The following RYR2 variants were observed in gnomAD, a reference collection of about 807,000 sequenced individuals.
RYR2 encodes the protein ryanodine receptor 2.
In RYR2, 227 loss-of-function variants were observed where a neutral mutation model predicts 601.1. The ratio of observed to expected loss-of-function variants is 0.38; its 90% CI spans 0.34 to 0.42. RYR2 has a LOEUF of 0.42. RYR2 is among the 10% of genes least tolerant of loss of function. The pLI, the probability that RYR2 is intolerant of heterozygous loss-of-function variation, is 1.00. For missense variants in RYR2, 4,646 were observed against 6,156.5 expected (o/e 0.75, Z 8.21); for synonymous variants, 2,223 against 2,175.1 (o/e 1.02, Z -0.61).
intron 1 of RYR2, among the ~76,000 whole-genome samples, chr1:237,193,231 C>G (rs1030341637): frequency 6.7e-6 from 1 of 149,446 alleles, no homozygotes; most frequent in Admixed American, 6.7e-5. Flanking sequence ...TTTGGGAGGC[C>G]GAGGTGGGTG....
At chr1:237,736,039 G>A (rs978618810) in intron 79 of RYR2, among the ~76,000 whole-genome samples, 3 of 152,150 alleles carry the variant, frequency 2.0e-5, no homozygotes, top group Non-Finnish European at 4.4e-5. Context: ...CTTCCTATGA[G>A]CAATGTAGTC....
At chr1:237,378,371 CAG>C (rs1701201682) in intron 8 of RYR2, among the ~76,000 whole-genome samples, 1 of 152,046 alleles carries the variant, frequency 6.6e-6, no homozygotes, top group African/African-American at 2.4e-5. Flanking sequence ...GTAGTTTTGC[CAG>C]AGAGTAGTCC....
chr1:237,207,853 T>G (rs149583766), intron 1 of RYR2, among the ~76,000 whole-genome samples: 31 of 152,366 alleles, frequency 2.0e-4, no homozygotes, highest in African/African-American at 7.5e-4. Flanking sequence ...TTTTTGCAAT[T>G]ACTTTTAATT....
In RYR2 at chr1:237,614,017, A is replaced by G. The variant is rs564433719; in HGVS notation, c.4911-22A>G. ...AAAATCATTCATTTCTAATCTTACT[A>G]CCACTCTCCTCCCTTCTACAGATCT... On this transcript the variant is annotated intron_variant, in intron 36 of 104. Transcript: ENST00000366574. The surrounding 1 kb of genome is among the most constrained non-coding windows in gnomAD (Gnocchi z 4.3). 1 of 1,591,220 alleles carries G rather than the reference A, an allele frequency of 6.3e-7. No individual in the cohort carries two copies. Among genetic ancestry groups the G allele is most frequent in the East Asian group, 2.2e-5 (1 of 44,480 alleles).
rs1305189607 is a variant in RYR2 at position 237,772,040 on chromosome 1, T to C, written c.11586T>C (p.Thr3862=). 1 of 1,549,184 alleles carries C rather than the reference T, an allele frequency of 6.5e-7. No individual in the cohort carries two copies. Among genetic ancestry groups the C allele is most frequent in the Non-Finnish European group, 8.8e-7 (1 of 1,139,308 alleles). The change falls in exon 86 of 105, where the codon ACT becomes ACC. Residue 3862 remains threonine, a synonymous_variant. Transcript: ENST00000366574. ...SDFQNYLRTQ[T]GNNTTVNIII... Reference sequence around the variant, plus strand: ...TTCAGAATTATCTGAGAACTCAGACTGGCAATAATACAACTGTCAACATAA... The same window carrying C: ...TTCAGAATTATCTGAGAACTCAGACCGGCAATAATACAACTGTCAACATAA...
At chr1:237,637,792 T>G (rs567415350) in intron 44 of RYR2, among the ~76,000 whole-genome samples, 4 of 152,290 alleles carry the variant, frequency 2.6e-5, no homozygotes, top group African/African-American at 9.6e-5. Flanking sequence ...TCAAGTTAAA[T>G]GCTATTAAAT....
At chr1:237,818,535 A>G (rs1032858716) in intron 100 of RYR2, among the ~76,000 whole-genome samples, 1 of 152,126 alleles carries the variant, frequency 6.6e-6, no homozygotes, top group Admixed American at 6.5e-5. Flanking sequence ...TCTAGATATT[A>G]AAGTAGAAAA....
At chr1:237,594,736 C>CT (rs1675612962) in intron 33 of RYR2, among the ~76,000 whole-genome samples, 1 of 151,498 alleles carries the variant, frequency 6.6e-6, no homozygotes, top group South Asian at 2.1e-4. Flanking sequence ...TGGCTTTAGC[C>CT]TTTTTTGCTG....
At chr1:237,506,630 C>T (rs1665289541) in intron 22 of RYR2, 80 bp from the exon 23 acceptor site, 6 of 879,374 alleles carry the variant, frequency 6.8e-6, no homozygotes, top group South Asian at 5.0e-5. Context: ...TTATTTAGTT[C>T]AATTTGCAGT....
chr1:237,684,156 G>C (rs1214911153), intron 62 of RYR2, among the ~76,000 whole-genome samples: 3 of 151,378 alleles, frequency 2.0e-5, no homozygotes, highest in African/African-American at 7.3e-5. Context: ...GGCTGGTCTT[G>C]AACTCCTGAC....
Position 237,066,459 on chromosome 1 carries a change from A to G in RYR2, c.48+23890A>G, listed in dbSNP as rs963785914. On this transcript the variant is annotated intron_variant, in intron 1 of 104. Transcript: ENST00000366574. ...GTGGCTGCAGTTTTAGATTCCCATC[A>G]GCAATGTTTGGGAGATCCAGTTTCT... Among the ~76,000 whole-genome samples the G allele has an allele frequency of 6.6e-5, 10 of 152,322 alleles. No individual in the cohort carries two copies. The South Asian group carries it at 1.0e-3, about 16-fold the overall frequency.
intron 14 of RYR2, among the ~76,000 whole-genome samples, chr1:237,452,006 G>A (rs1471700790): frequency 6.7e-6 from 1 of 150,064 alleles, no homozygotes; most frequent in Non-Finnish European, 1.5e-5. Context: ...GTGTTTGTGT[G>A]TGTGTTTGTG....
At chr1:237,511,849 A>AAAC in intron 24 of RYR2, 58 bp downstream of exon 24, 1 of 994,820 alleles carries the variant, frequency 1.0e-6, no homozygotes, top group South Asian at 1.8e-5. Context: ...AAAAAAAAAA[A>AAAC]AAAAAAAAAA....
At chr1:237,709,141 A>C (rs1346736145) in intron 69 of RYR2, 43 bp downstream of exon 69, 1 of 1,505,914 alleles carries the variant, frequency 6.6e-7, no homozygotes, top group Admixed American at 2.2e-5. Context: ...ATTCGGTCAT[A>C]ACGTTTCTTG....
At chr1:237,150,265 G>T (rs911354796) in intron 1 of RYR2, among the ~76,000 whole-genome samples, 34 of 152,302 alleles carry the variant, frequency 2.2e-4, no homozygotes, top group African/African-American at 8.2e-4. Context: ...CTAGGGCTCT[G>T]CTTCTGTAAC....
chr1:237,287,941 T>C (rs1387645264), intron 2 of RYR2, among the ~76,000 whole-genome samples: 1 of 152,194 alleles, frequency 6.6e-6, no homozygotes, highest in Non-Finnish European at 1.5e-5. Context: ...TTGGGTAGGC[T>C]CTGTCAGAGG....
At chr1:237,353,460 G>A (rs966744385) in intron 3 of RYR2, among the ~76,000 whole-genome samples, 3 of 138,744 alleles carry the variant, frequency 2.2e-5, no homozygotes, top group African/African-American at 8.1e-5. Context: ...AGTGAGCCGA[G>A]ATTTCACCAC....
At chr1:237,222,468 G>A (rs1309813649) in intron 1 of RYR2, among the ~76,000 whole-genome samples, 4 of 151,418 alleles carry the variant, frequency 2.6e-5, no homozygotes, top group Admixed American at 6.6e-5. Context: ...TATTAAATGG[G>A]TTAGAGAGAC....
intron 1 of RYR2, among the ~76,000 whole-genome samples, chr1:237,235,183 A>T (rs892946103): frequency 1.3e-5 from 2 of 152,214 alleles, no homozygotes; most frequent in Non-Finnish European, 2.9e-5. Flanking sequence ...AGTAGAAAAC[A>T]TTCTAAAGCA....
Sources: allele counts gnomAD v4.1 joint callset (sites outside exome capture counted in the v4.1 genomes callset), GRCh38; gene constraint gnomAD v4.1.1; non-coding constraint Gnocchi (gnomAD v3.1); transcripts MANE v1.5; gene names NCBI Gene and HGNC (gene_info 2026-07-23, HGNC 2026-07-21).